Variants in FREM1 observed in about 807,000 individuals in gnomAD.
FREM1 encodes FRAS1 related extracellular matrix 1.
Under a neutral mutation model 210.1 loss-of-function variants are expected in FREM1, and 220 were observed. The observed-to-expected ratio is 1.05, with a 90% confidence interval of 0.94 to 1.17. The LOEUF (loss-of-function observed/expected upper bound fraction) is 1.17, where lower values mean the gene tolerates loss of function less well. Ranked by LOEUF, FREM1 falls within the 50% of genes most tolerant of loss-of-function variation. The probability of loss-of-function intolerance (pLI) is 0.00; values close to 1 mark genes in which losing one functional copy is unlikely to be tolerated. For missense variants in FREM1, 3,454 were observed against 2,675.5 expected (o/e 1.29, Z -6.42); for synonymous variants, 1,189 against 980.2 (o/e 1.21, Z -3.98).
At chr9:14,883,293 A>G (rs1273691474) in intron 1 of FREM1, among the ~76,000 whole-genome samples, 1 of 152,260 alleles carries the variant, frequency 6.6e-6, no homozygotes, top group Non-Finnish European at 1.5e-5. Flanking sequence ...AACAATTTCC[A>G]AATTCAAAAT....
intron 1 of FREM1, among the ~76,000 whole-genome samples, chr9:14,890,046 C>T (rs1189494009): frequency 6.6e-6 from 1 of 152,214 alleles, no homozygotes; most frequent in African/African-American, 2.4e-5. Context: ...GCTAAGGATA[C>T]TCCTTTCCTC....
At chr9:14,848,535 CCTTAATCTGT>C in intron 7 of FREM1, 120 bp downstream of exon 7, 1 of 448,806 alleles carries the variant, frequency 2.2e-6, no homozygotes, top group Non-Finnish European at 4.1e-6. Context: ...TATGTGATGC[CCTTAATCTGT>C]CTGGGTTTCA....
At position 14,836,040 on chromosome 9, in the gene FREM1, C is replaced by A. The variant is rs1005195626; in HGVS notation, c.1881+5407G>T. Among the ~76,000 whole-genome samples, 13 of 152,200 alleles carry A rather than the reference C, an allele frequency of 8.5e-5. No homozygotes were observed. Among genetic ancestry groups the A allele is most frequent in the Non-Finnish European group, 1.6e-4 (11 of 68,040 alleles). ...CTAGTTCTGGGCAATTATCTTGCAA[C>A]TTCTGCCGGGTAATGAAAAGTGAGT... On this transcript the variant is annotated intron_variant, in intron 10 of 36. Coordinates refer to ENST00000380880, the MANE Select transcript of FREM1 (RefSeq NM_001379081.2). The surrounding 1 kb of genome is among the most constrained non-coding windows in gnomAD (Gnocchi z 4.9).
At chr9:14,779,486 G>C (rs1468531770) in intron 24 of FREM1, 4 of 985,260 alleles carry the variant, frequency 4.1e-6, no homozygotes, top group African/African-American at 1.7e-5. Context: ...GACTCCATCA[G>C]AGGCGGCCAT....
At chr9:14,796,414 T>C (rs1039045056) in intron 21 of FREM1, among the ~76,000 whole-genome samples, 1 of 152,198 alleles carries the variant, frequency 6.6e-6, no homozygotes, top group Non-Finnish European at 1.5e-5. Context: ...CTGTAGACTG[T>C]GTACAGTTCT....
intron 13 of FREM1, 87 bp from the exon 14 acceptor site, chr9:14,819,529 G>A: frequency 1.4e-6 from 1 of 712,706 alleles, no homozygotes; most frequent in Non-Finnish European, 2.3e-6. Context: ...AAAACTTCCA[G>A]TATTATCTTC....
intron 21 of FREM1, among the ~76,000 whole-genome samples, chr9:14,796,780 T>C (rs1176278819): frequency 1.3e-5 from 2 of 152,186 alleles, no homozygotes; most frequent in Non-Finnish European, 2.9e-5. Flanking sequence ...TCTGTCATGA[T>C]TGTAAGTTTC....
intron 16 of FREM1, among the ~76,000 whole-genome samples, chr9:14,810,657 C>T (rs1445871640): frequency 6.6e-6 from 1 of 152,116 alleles, no homozygotes; most frequent in Non-Finnish European, 1.5e-5. Context: ...TATTCTATTA[C>T]TAAAACATCT....
intron 15 of FREM1, among the ~76,000 whole-genome samples, chr9:14,816,053 C>T (rs1192615199): frequency 2.0e-5 from 3 of 152,116 alleles, no homozygotes; most frequent in African/African-American, 7.2e-5. Context: ...AGAGGCACCA[C>T]ACACACATAT....
intron 35 of FREM1, among the ~76,000 whole-genome samples, chr9:14,743,169 T>C (rs1243605687): frequency 6.6e-6 from 1 of 152,106 alleles, no homozygotes; most frequent in Non-Finnish European, 1.5e-5. Flanking sequence ...AAAACCAAGC[T>C]GCAGATGAAA....
At chr9:14,835,802 A>G (rs1454691336) in intron 10 of FREM1, among the ~76,000 whole-genome samples, 1 of 152,262 alleles carries the variant, frequency 6.6e-6, no homozygotes, top group Non-Finnish European at 1.5e-5. Context: ...ACTAAAGTTT[A>G]CTGATAATTA....
At chr9:14,845,128 C>T (rs1826350051) in intron 8 of FREM1, among the ~76,000 whole-genome samples, 10 of 152,122 alleles carry the variant, frequency 6.6e-5, no homozygotes. Context: ...CCTCTGAGTT[C>T]ATTATAAGGA....
intron 1 of FREM1, among the ~76,000 whole-genome samples, chr9:14,901,338 T>C (rs940381951): frequency 6.6e-6 from 1 of 152,164 alleles, no homozygotes; most frequent in African/African-American, 2.4e-5. Context: ...TAAGTGTAAT[T>C]CCCCTCTGTG....
chr9:14,851,255 A>G, intron 6 of FREM1, 29 bp downstream of exon 6: 1 of 1,516,230 alleles, frequency 6.6e-7, no homozygotes, highest in Non-Finnish European at 8.9e-7. Flanking sequence ...ACTTCTAACT[A>G]GGCTGGAAGC....
intron 1 of FREM1, among the ~76,000 whole-genome samples, chr9:14,881,370 G>C (rs1438997911): frequency 1.3e-5 from 2 of 151,962 alleles, no homozygotes; most frequent in African/African-American, 2.4e-5. Flanking sequence ...AGCCAATCTG[G>C]GTATAAATAG....
At chr9:14,797,394 C>T (rs1341407106) in intron 21 of FREM1, 104 bp downstream of exon 21, 25 of 892,872 alleles carry the variant, frequency 2.8e-5, no homozygotes, top group African/African-American at 2.4e-4. Context: ...CAGGAGCTAG[C>T]GAAGACTTGC....
At chr9:14,798,015 G>C (rs1852764412) in intron 20 of FREM1, among the ~76,000 whole-genome samples, 1 of 151,876 alleles carries the variant, frequency 6.6e-6, no homozygotes, top group Admixed American at 6.6e-5. Flanking sequence ...ATTCTTAATA[G>C]GTCAAAACTT....
chr9:14,903,402 A>G (rs755498815), intron 1 of FREM1, among the ~76,000 whole-genome samples: 35 of 152,212 alleles, frequency 2.3e-4, no homozygotes, highest in Non-Finnish European at 4.8e-4. Context: ...GCTGGGAAAG[A>G]GTGGGTCATT....
chr9:14,864,006 A>AATGTGTGT (rs1306125862), intron 2 of FREM1, 103 bp from the exon 3 acceptor site: 3 of 734,722 alleles, frequency 4.1e-6, no homozygotes, highest in African/African-American at 1.7e-5. Flanking sequence ...CTCTGTTAGT[A>AATGTGTGT]ATGTGTGTAT....
Sources: gnomAD v4.1 joint callset for allele counts (sites outside exome capture counted in the v4.1 genomes callset) on GRCh38, gnomAD v4.1.1 for gene constraint, Gnocchi (gnomAD v3.1) non-coding constraint, MANE v1.5 for transcripts, NCBI Gene and HGNC (gene_info 2026-07-23, HGNC 2026-07-21) for gene names.